The following CADPS2 variants were observed in gnomAD, a reference collection of about 807,000 sequenced individuals.
CADPS2 encodes calcium dependent secretion activator 2, also known as calcium-dependent secretion activator 2.
CADPS2 carries 93 observed loss-of-function variants against 172.5 expected under a neutral mutation model. The ratio of observed to expected loss-of-function variants is 0.54; its 90% CI spans 0.46 to 0.64. The LOEUF is 0.64. Ranked by LOEUF, CADPS2 falls within the 30% of genes least tolerant of loss-of-function variation. The probability of loss-of-function intolerance (pLI) is 0.00; values close to 1 mark genes in which losing one functional copy is unlikely to be tolerated. For missense variants in CADPS2, 1,420 were observed against 1,565.9 expected (o/e 0.91, Z 1.57); for synonymous variants, 546 against 555.2 (o/e 0.98, Z 0.23).
chr7:122,424,376 G>A (rs2048890688), intron 17 of CADPS2: 15 of 978,220 alleles, frequency 1.5e-5, no homozygotes, highest in Non-Finnish European at 1.5e-5. Flanking sequence ...ATGGCCAGCT[G>A]TTGAACAAAG....
intron 25 of CADPS2, among the ~76,000 whole-genome samples, chr7:122,365,208 T>C (rs2040698536): frequency 1.3e-5 from 2 of 152,264 alleles, no homozygotes; most frequent in South Asian, 4.1e-4. Flanking sequence ...TCAGCATTCT[T>C]TGTCTCCATT....
At chr7:122,825,002 A>G (rs1563111134) in intron 1 of CADPS2, among the ~76,000 whole-genome samples, 1 of 152,222 alleles carries the variant, frequency 6.6e-6, no homozygotes, top group African/African-American at 2.4e-5. Context: ...CGAAAAAAGT[A>G]ACAGAGACAT....
chr7:122,591,050 C>T (rs1234739101), intron 6 of CADPS2, among the ~76,000 whole-genome samples: 2 of 151,974 alleles, frequency 1.3e-5, no homozygotes, highest in Non-Finnish European at 2.9e-5. Context: ...CAAATTGTCC[C>T]TGTTTGCAGA....
At chr7:122,435,357 A>G (rs1034789757) in intron 17 of CADPS2, among the ~76,000 whole-genome samples, 2 of 152,168 alleles carry the variant, frequency 1.3e-5, no homozygotes, top group Non-Finnish European at 2.9e-5. Context: ...CTGAATAGAC[A>G]TTGCTCAAAA....
chr7:122,803,107 C>T (rs1418414956), intron 1 of CADPS2, among the ~76,000 whole-genome samples: 1 of 152,122 alleles, frequency 6.6e-6, no homozygotes, highest in African/African-American at 2.4e-5. Flanking sequence ...TCTTCACTTC[C>T]TCCAACTCCC....
chr7:122,543,232 T>C (rs1282828930), intron 8 of CADPS2, among the ~76,000 whole-genome samples: 1 of 152,158 alleles, frequency 6.6e-6, no homozygotes, highest in Non-Finnish European at 1.5e-5. Context: ...CTACACTTTT[T>C]ACATATGATT....
Position 122,393,231 on chromosome 7 carries a change from A to G in CADPS2, c.2973T>C (p.Ser991=), listed in dbSNP as rs754705394. The G allele has an allele frequency of 9.9e-6, 16 of 1,613,904 alleles. No homozygotes were observed. The highest frequency in any genetic ancestry group is 1.1e-5 in the Non-Finnish European group (13 of 1,179,796). The change falls in exon 22 of 30, where the codon TCT becomes TCC. Residue 991 remains serine (S), a synonymous_variant. Transcript: ENST00000449022. ...PLNLPQIPNI[S]TASWMPSLYE... ...ATAAAGAAGGCATCCACGAAGCAGT[A>G]GAAATGTTAGGAATCTGTGGAAGAT...
intron 28 of CADPS2, among the ~76,000 whole-genome samples, chr7:122,333,940 G>C (rs2150848707): frequency 6.6e-6 from 1 of 151,330 alleles, no homozygotes; most frequent in Middle Eastern, 3.5e-3. Context: ...CTTTTCAATA[G>C]ACAAAGGACA....
At chr7:122,337,955 G>A (rs911859791) in intron 28 of CADPS2, among the ~76,000 whole-genome samples, 1 of 152,188 alleles carries the variant, frequency 6.6e-6, no homozygotes, top group South Asian at 2.1e-4. Flanking sequence ...AAAACAATGT[G>A]TTAAAAGCAG....
intron 1 of CADPS2, among the ~76,000 whole-genome samples, chr7:122,858,006 G>A (rs376408356): frequency 1.2e-4 from 18 of 152,226 alleles, no homozygotes; most frequent in Non-Finnish European, 2.5e-4. Context: ...CGTGAAGAGC[G>A]AAAGAACAAA....
intron 20 of CADPS2, among the ~76,000 whole-genome samples, chr7:122,396,824 G>T (rs570812145): frequency 4.7e-4 from 71 of 152,118 alleles, no homozygotes; most frequent in Non-Finnish European, 6.6e-4. Context: ...CATATTTCTC[G>T]CTGCCTACAA....
Position 122,324,954 on chromosome 7 carries a change from T to C in CADPS2, c.3717+523A>G, listed in dbSNP as rs903511051. 2.0e-5 allele frequency among the ~76,000 whole-genome samples: 3 copies of C among 152,280 alleles called. No homozygotes were observed. In the South Asian group the frequency reaches 6.2e-4, roughly 32 times the overall value. On this transcript the variant is annotated intron_variant, in intron 29 of 29. Transcript: ENST00000449022. ...CGAACTTATGTGATGTCTATGTCAG[T>C]AGTTTTGGGTGGTCTCCAACACTCA...
chr7:122,333,208 G>T (rs1342898159), intron 28 of CADPS2, among the ~76,000 whole-genome samples: 1 of 152,076 alleles, frequency 6.6e-6, no homozygotes, highest in Non-Finnish European at 1.5e-5. Context: ...TAAAATTCTG[G>T]TAAATATTGC....
intron 7 of CADPS2, among the ~76,000 whole-genome samples, chr7:122,561,654 CAT>C (rs1419516137): frequency 1.3e-5 from 2 of 152,094 alleles, no homozygotes; most frequent in African/African-American, 2.4e-5. Flanking sequence ...ATTTGTACCA[CAT>C]AGAGTCACTT....
rs552053459 is a variant in CADPS2 at position 122,653,389 on chromosome 7, T to C, written c.786+9848A>G. On this transcript the variant is annotated intron_variant, in intron 3 of 29. Coordinates refer to ENST00000449022, the MANE Select transcript of CADPS2 (RefSeq NM_017954.11). ...CCTGAGCCAGGTTCCAGCAGCTCCA[T>C]TGGCTTTAGATCCTACCTGCCTCCC... is the stretch of plus-strand genomic sequence containing the variant. Among the ~76,000 whole-genome samples the C allele has an allele frequency of 7.2e-5, 11 of 152,280 alleles. No homozygotes were observed. In the East Asian group the frequency reaches 7.7e-4, roughly 11 times the overall value.
intron 28 of CADPS2, among the ~76,000 whole-genome samples, chr7:122,333,706 T>C (rs1010497396): frequency 3.9e-5 from 6 of 152,154 alleles, no homozygotes; most frequent in Admixed American, 2.0e-4. Context: ...TCTATACAGG[T>C]GTCTATAAAA....
chr7:122,655,890 T>C (rs2079705556), intron 3 of CADPS2, among the ~76,000 whole-genome samples: 1 of 152,160 alleles, frequency 6.6e-6, no homozygotes. Flanking sequence ...ACTATAGTTT[T>C]AGTTCAGACA....
chr7:122,326,546 G>C (rs1263612451), intron 28 of CADPS2, among the ~76,000 whole-genome samples: 1 of 152,022 alleles, frequency 6.6e-6, no homozygotes, highest in Non-Finnish European at 1.5e-5. Flanking sequence ...TGTCCACTCA[G>C]CATTTAGAAA....
At chr7:122,431,035 C>T (rs1450101180) in intron 17 of CADPS2, among the ~76,000 whole-genome samples, 4 of 152,196 alleles carry the variant, frequency 2.6e-5, no homozygotes, top group African/African-American at 9.6e-5. Flanking sequence ...AGCATTAGTG[C>T]TTCCCCCACT....
Sources: allele counts gnomAD v4.1 joint callset (sites outside exome capture counted in the v4.1 genomes callset), GRCh38; gene constraint gnomAD v4.1.1; transcripts MANE v1.5; gene names NCBI Gene and HGNC (gene_info 2026-07-23, HGNC 2026-07-21).